Variants in NRP1 observed in about 807,000 individuals in gnomAD.
NRP1 encodes neuropilin 1, also known as neuropilin-1.
In NRP1, 35 loss-of-function variants were observed where a neutral mutation model predicts 106.7. The observed-to-expected ratio is 0.33, with a 90% confidence interval of 0.25 to 0.43. NRP1 has a LOEUF of 0.43. NRP1 is among the 20% of genes least tolerant of loss of function. NRP1 has a pLI of 1.00. For missense variants in NRP1, 1,024 were observed against 1,170.4 expected, an observed-to-expected ratio of 0.87 and a Z score of 1.83; for synonymous variants, 437 against 417.9, an observed-to-expected ratio of 1.05 and a Z score of -0.56.
Position 33,263,703 on chromosome 10 carries a change from G to A in NRP1, c.601C>T (p.Pro201Ser). ...TCGTAGCGACAGAACATCCCCCCTG[G>A]AGGATTTGAGTCAGGCTCCAGGTCA... ...SFDLEPDSNP[P>S]GGMFCRYDRL... The change falls in exon 4 of 17, where the codon CCA becomes TCA. Residue 201 changes from proline (P) to serine (S), a missense_variant. Physicochemically the swap from Pro to Ser is moderately conservative, Grantham distance 74 (BLOSUM62 -1). Coordinates refer to ENST00000374867, the MANE Select transcript of NRP1 (RefSeq NM_003873.7). 1 of 1,614,108 alleles carries A rather than the reference G, an allele frequency of 6.2e-7. No homozygotes were observed. The highest frequency in any genetic ancestry group is 8.5e-7 in the Non-Finnish European group (1 of 1,180,022).
intron 4 of NRP1, among the ~76,000 whole-genome samples, chr10:33,263,224 G>T (rs1842692437): frequency 6.6e-6 from 1 of 152,094 alleles, no homozygotes; most frequent in Admixed American, 6.5e-5. Flanking sequence ...AACCTCTCAG[G>T]TCCTTGGTCT....
intron 7 of NRP1, 127 bp from the exon 8 acceptor site, chr10:33,221,990 T>C (rs1318212659): frequency 3.2e-6 from 3 of 950,086 alleles, no homozygotes; most frequent in African/African-American, 1.6e-5. Flanking sequence ...TGAGATGGCG[T>C]TAATAACTCG....
chr10:33,195,492 G>A (rs1473915248), intron 12 of NRP1: 1 of 533,390 alleles, frequency 1.9e-6, no homozygotes, highest in Non-Finnish European at 3.8e-6. Context: ...TCTGAGTTGA[G>A]TCTATAATAG....
intron 11 of NRP1, among the ~76,000 whole-genome samples, chr10:33,199,390 T>TATATATATATATATATATATA (rs57198890): frequency 6.5e-5 from 2 of 30,762 alleles, no homozygotes; most frequent in African/African-American, 1.9e-4. Context: ...TATATATATA[T>TATATATATATATATATATATA]TTTTTTTTTT....
At chr10:33,326,609 C>T (rs958288639) in intron 2 of NRP1, among the ~76,000 whole-genome samples, 1 of 152,236 alleles carries the variant, frequency 6.6e-6, no homozygotes, top group Non-Finnish European at 1.5e-5. Context: ...GTCTGTTGAT[C>T]GACTGATTTA....
intron 9 of NRP1, among the ~76,000 whole-genome samples, chr10:33,210,721 G>T (rs1053717177): frequency 6.6e-6 from 1 of 152,158 alleles, no homozygotes; most frequent in Admixed American, 6.5e-5. Context: ...TGAGGAAAGG[G>T]CATTGAAAAT....
intron 13 of NRP1, among the ~76,000 whole-genome samples, chr10:33,191,460 C>A (rs894018729): frequency 6.6e-6 from 1 of 152,130 alleles, no homozygotes; most frequent in Non-Finnish European, 1.5e-5. Flanking sequence ...CGGGAGAGAG[C>A]AAGCATTGTG....
intron 2 of NRP1, among the ~76,000 whole-genome samples, chr10:33,281,686 T>G (rs1185561177): frequency 3.3e-5 from 5 of 152,184 alleles, no homozygotes; most frequent in Non-Finnish European, 7.4e-5. Context: ...TCTGTGAGTC[T>G]CAGTGGCTCG....
chr10:33,242,150 C>A (rs112807374), intron 6 of NRP1, among the ~76,000 whole-genome samples: 1 of 151,786 alleles, frequency 6.6e-6, no homozygotes, highest in Non-Finnish European at 1.5e-5. Context: ...TTACTCCCCC[C>A]AGAAGACACA....
intron 8 of NRP1, among the ~76,000 whole-genome samples, chr10:33,214,758 CA>C (rs1263675760): frequency 6.6e-6 from 1 of 152,146 alleles, no homozygotes; most frequent in Non-Finnish European, 1.5e-5. Context: ...ATCACTAGAT[CA>C]GTCAGATTCG....
chr10:33,202,665 T>C, intron 11 of NRP1: 1 of 1,544,282 alleles, frequency 6.5e-7, no homozygotes, highest in Non-Finnish European at 8.8e-7. Context: ...CCTTTGGCTC[T>C]CGAAATGGCT....
chr10:33,223,342 T>C (rs1839404719), intron 7 of NRP1, among the ~76,000 whole-genome samples: 1 of 152,120 alleles, frequency 6.6e-6, no homozygotes, highest in African/African-American at 2.4e-5. Flanking sequence ...TGGTTGTGGC[T>C]GGGTGTGGTG....
chr10:33,250,689 G>A (rs972705462), intron 6 of NRP1, among the ~76,000 whole-genome samples: 2 of 152,180 alleles, frequency 1.3e-5, no homozygotes, highest in East Asian at 1.9e-4. Context: ...GTGTTTACTC[G>A]TTTCTCTGAA....
chr10:33,313,949 C>T (rs1191884207), intron 2 of NRP1, among the ~76,000 whole-genome samples: 1 of 151,666 alleles, frequency 6.6e-6, no homozygotes, highest in East Asian at 1.9e-4. Flanking sequence ...TCCTTCCTTC[C>T]TTCCTTCCCT....
chr10:33,326,221 G>T (rs556228376), intron 2 of NRP1, among the ~76,000 whole-genome samples: 37 of 152,228 alleles, frequency 2.4e-4, no homozygotes, highest in Non-Finnish European at 5.0e-4. Context: ...TGACATTCTT[G>T]TTTATTATAC....
chr10:33,243,870 G>C (rs1455994082), intron 6 of NRP1, among the ~76,000 whole-genome samples: 14 of 140,960 alleles, frequency 9.9e-5, no homozygotes, highest in Admixed American at 9.8e-4. Context: ...AATTGAATGA[G>C]ATTAGATGGC....
At chr10:33,241,157 C>T (rs2269087) in intron 6 of NRP1, among the ~76,000 whole-genome samples, 18,989 of 152,114 alleles carry the variant, frequency 0.12, 1,567 homozygotes, top group East Asian at 0.5. Flanking sequence ...AAAATAGAAA[C>T]GCCATGTGTG....
In NRP1 at chr10:33,263,676, G is replaced by A. The variant is rs779848424; in HGVS notation, c.628C>T (p.Arg210Trp). The change falls in exon 4 of 17, where the codon CGG (arginine) becomes TGG (tryptophan). Residue 210 changes from arginine to tryptophan, a missense_variant. Coordinates refer to ENST00000374867, the MANE Select transcript of NRP1 (RefSeq NM_003873.7). The part of the protein sequence containing the change: ...PPGGMFCRYD[R>W]LEIWDGFPDV... ...GGGAATCCATCCCAGATTTCTAGCC[G>A]GTCGTAGCGACAGAACATCCCCCCT... 16 of 1,613,766 alleles carry A rather than the reference G, an allele frequency of 9.9e-6. 1 individual carries two copies. The highest frequency in any genetic ancestry group is 4.0e-5 in the African/African-American group (3 of 74,866).
At chr10:33,327,659 G>A (rs1409837004) in intron 2 of NRP1, among the ~76,000 whole-genome samples, 1 of 147,970 alleles carries the variant, frequency 6.8e-6, no homozygotes, top group African/African-American at 2.4e-5. Flanking sequence ...GGTGTTCCCA[G>A]GTTTTTTTTT....
Sources: allele counts gnomAD v4.1 joint callset (sites outside exome capture counted in the v4.1 genomes callset), GRCh38; gene constraint gnomAD v4.1.1; transcripts MANE v1.5; gene names NCBI Gene and HGNC (gene_info 2026-07-23, HGNC 2026-07-21).